AMZ2: variants seen among roughly 807,000 people sequenced by gnomAD.
AMZ2 encodes the protein archaemetzincin-2.
In AMZ2, 26 loss-of-function variants were observed where a neutral mutation model predicts 36.7. The ratio of observed to expected loss-of-function variants is 0.71; its 90% confidence interval spans 0.52 to 0.98. AMZ2 has a LOEUF of 0.98. Among genes scored for constraint, AMZ2 ranks in the 50% least tolerant of loss-of-function variants. The probability of loss-of-function intolerance (pLI) is 0.00; values close to 1 mark genes in which losing one functional copy is unlikely to be tolerated. For synonymous variants in AMZ2, 144 were observed against 149.1 expected, an observed-to-expected ratio of 0.97 and a Z score of 0.25; for missense variants, 394 against 430.5, an observed-to-expected ratio of 0.92 and a Z score of 0.75.
chr17:68,255,552 A>T, intron 5 of AMZ2, 148 bp from the exon 6 acceptor site: 1 of 753,058 alleles, frequency 1.3e-6, no homozygotes, highest in Non-Finnish European at 2.1e-6. Flanking sequence ...AGGGATTATT[A>T]AGTCTTTGAA....
intron 1 of AMZ2, among the ~76,000 whole-genome samples, chr17:68,225,275 G>C (rs1291593914): frequency 1.3e-5 from 2 of 152,184 alleles, no homozygotes; most frequent in Non-Finnish European, 2.9e-5. Context: ...TGATAGAGGA[G>C]CTAAAAGTCC....
upstream of AMZ2, among the ~76,000 whole-genome samples, chr17:68,243,664 A>C (rs532180717): frequency 3.2e-4 from 49 of 152,284 alleles, no homozygotes; most frequent in African/African-American, 1.1e-3. Flanking sequence ...TTAATACTCC[A>C]TGTCAGGTTG....
At chr17:68,243,917 C>G (rs2073952916), upstream of AMZ2, among the ~76,000 whole-genome samples, 1 of 152,094 alleles carries the variant, frequency 6.6e-6, no homozygotes, top group African/African-American at 2.4e-5. Flanking sequence ...AAGAACTAAC[C>G]CAGGTAGGTA....
At chr17:68,243,043 CA>C (rs35857340), upstream of AMZ2, among the ~76,000 whole-genome samples, 667 of 105,088 alleles carry the variant, frequency 6.3e-3, 4 homozygotes, top group East Asian at 0.047. Flanking sequence ...GGCTCTGTCT[CA>C]AAAAAAAAAA....
intron 1 of AMZ2, among the ~76,000 whole-genome samples, chr17:68,233,868 C>A (rs2073727246): frequency 1.3e-5 from 2 of 151,886 alleles, no homozygotes; most frequent in South Asian, 4.2e-4. Flanking sequence ...ACCACAGGTG[C>A]ACGCCACCAC....
intron 1 of AMZ2, among the ~76,000 whole-genome samples, chr17:68,225,323 G>C (rs1234306713): frequency 6.6e-6 from 1 of 152,162 alleles, no homozygotes; most frequent in Non-Finnish European, 1.5e-5. Flanking sequence ...GTTGAAGTGG[G>C]AGGGTGGAAA....
upstream of AMZ2, among the ~76,000 whole-genome samples, chr17:68,246,195 CAAAAA>C (rs57477453): frequency 1.3e-4 from 11 of 83,826 alleles, no homozygotes; most frequent in Middle Eastern, 7.8e-3. Flanking sequence ...ACTAAAAATA[CAAAAA>C]AAAAAAAAAA....
chr17:68,224,785 T>G (rs757035840), intron 1 of AMZ2, among the ~76,000 whole-genome samples: 49 of 152,058 alleles, frequency 3.2e-4, no homozygotes, highest in Admixed American at 3.0e-3. Context: ...TTTATCTGCT[T>G]CTTTTTCACT....
intron 1 of AMZ2, among the ~76,000 whole-genome samples, chr17:68,237,568 G>T (rs2073816489): frequency 6.6e-6 from 1 of 152,216 alleles, no homozygotes; most frequent in Non-Finnish European, 1.5e-5. Context: ...GAACCCACAG[G>T]TGTTCAGTGG....
At chr17:68,232,144 G>A (rs1190410776) in intron 1 of AMZ2, among the ~76,000 whole-genome samples, 1 of 131,522 alleles carries the variant, frequency 7.6e-6, no homozygotes, top group South Asian at 2.7e-4. Flanking sequence ...AAAAAAAAAG[G>A]TATATTTACA....
rs115184000 is a variant in AMZ2, at chr17:68,208,743, C to T, written c.-67+2505C>T. On this transcript the variant is annotated intron_variant, in intron 1 of 7. Coordinates refer to the AMZ2 transcript ENST00000674770. ...TACTCACCGCGACGGTCTGCAGCTT[C>T]ACTCCTAAAGCCAGCGAGACCACGA... Among the ~76,000 whole-genome samples, 1,150 of 152,316 alleles carry T rather than the reference C, an allele frequency of 7.6e-3. 15 individuals carry two copies. The highest frequency in any genetic ancestry group is 0.026 in the African/African-American group (1,071 of 41,566).
At chr17:68,209,761 C>T (rs1403467206) in intron 1 of AMZ2, among the ~76,000 whole-genome samples, 2 of 150,350 alleles carry the variant, frequency 1.3e-5, no homozygotes, top group African/African-American at 2.5e-5. Flanking sequence ...GCTGGGATTA[C>T]AGGTGCCTGC....
intron 1 of AMZ2, among the ~76,000 whole-genome samples, chr17:68,211,874 G>GTATA (rs368820389): frequency 0.092 from 12,415 of 134,750 alleles, 952 homozygotes; most frequent in Non-Finnish European, 0.11. Flanking sequence ...ATATGTGTGT[G>GTATA]TATGTATATA....
At position 68,218,657 on chromosome 17, in the gene AMZ2, T is replaced by G. The variant is rs143962260; in HGVS notation, c.-67+12419T>G. On this transcript the variant is annotated intron_variant, in intron 1 of 7. Transcript: ENST00000674770. ...GTGTCTGAATTCCTTCTGTCCACAT[T>G]CAGTTCTGTATGTCCAGCAGACTCC... 1.7e-3 allele frequency among the ~76,000 whole-genome samples: 254 copies of G among 152,306 alleles called. 5 individuals are homozygous for G. The East Asian group carries it at 0.041, about 24-fold the overall frequency.
At chr17:68,252,136 G>A (rs58331432) in intron 4 of AMZ2, among the ~76,000 whole-genome samples, 9,406 of 152,206 alleles carry the variant, frequency 0.062, 526 homozygotes, top group Admixed American at 0.13. Context: ...GCCCCCTAAG[G>A]GGAGTGGTTC....
chr17:68,209,596 GTGTGTGTGTATA>G (rs1338612209), intron 1 of AMZ2, among the ~76,000 whole-genome samples: 4,132 of 108,660 alleles, frequency 0.038, 169 homozygotes, highest in African/African-American at 0.11. Flanking sequence ...GTGTGTGTGT[GTGTGTGTGTATA>G]TGTATATATA....
At chr17:68,245,669 TC>T (rs1165042500), upstream of AMZ2, among the ~76,000 whole-genome samples, 1 of 152,200 alleles carries the variant, frequency 6.6e-6, no homozygotes, top group African/African-American at 2.4e-5. Context: ...AAAATGAAGT[TC>T]TTTTTAATGA....
chr17:68,223,041 G>C (rs1304132123), intron 1 of AMZ2, among the ~76,000 whole-genome samples: 8 of 151,766 alleles, frequency 5.3e-5, no homozygotes, highest in African/African-American at 1.9e-4. Flanking sequence ...CGGAGGGAGG[G>C]GTATCAAGGA....
intron 1 of AMZ2, among the ~76,000 whole-genome samples, chr17:68,234,147 C>T (rs2073733358): frequency 6.6e-6 from 1 of 151,934 alleles, no homozygotes; most frequent in Non-Finnish European, 1.5e-5. Flanking sequence ...GCCTGACCAA[C>T]ATGGAGAACC....
Sources: allele counts gnomAD v4.1 joint callset (sites outside exome capture counted in the v4.1 genomes callset), GRCh38; gene constraint gnomAD v4.1.1; transcripts MANE v1.5; gene names NCBI Gene and HGNC (gene_info 2026-07-23, HGNC 2026-07-21).